Variants in GUCY2F observed in about 807,000 individuals in gnomAD.
GUCY2F encodes retinal guanylyl cyclase 2.
GUCY2F carries 61 observed loss-of-function variants against 73.1 expected under a neutral mutation model. The ratio of observed to expected loss-of-function variants is 0.83; its 90% CI spans 0.68 to 1.03. GUCY2F has a LOEUF of 1.03. Ranked by LOEUF, GUCY2F falls within the 50% of genes least tolerant of loss-of-function variation. GUCY2F has a pLI of 0.00. For missense variants in GUCY2F, 912 were observed against 854.3 expected, an observed-to-expected ratio of 1.07 and a Z score of -0.84; for synonymous variants, 331 against 307.8, an observed-to-expected ratio of 1.08 and a Z score of -0.79.
intron 9 of GUCY2F, among the ~76,000 whole-genome samples, chrX:109,406,086 A>G (rs1019827000): frequency 7.2e-5 from 8 of 111,842 alleles, no homozygotes; most frequent in African/African-American, 2.6e-4. Flanking sequence ...AAAGTCATTG[A>G]GTATGCAGAT....
intron 3 of GUCY2F, among the ~76,000 whole-genome samples, chrX:109,462,697 A>C (rs1264801229): frequency 1.8e-5 from 2 of 111,952 alleles, no homozygotes; most frequent in African/African-American, 6.5e-5. Context: ...AACAATATAC[A>C]TACACATACA....
chrX:109,392,100 T>A lies in GUCY2F; in HGVS notation c.2592A>T (p.Ser864=). Reference sequence around the variant, plus strand: ...AGCCCTTTTTGAGAGATTCAGCAACTGATCTGAAAAGCAGACACAGCTATT... The same window carrying A: ...AGCCCTTTTTGAGAGATTCAGCAACAGATCTGAAAAGCAGACACAGCTATT... ...EKLLTQMLPP[S]VAESLKKGCT... is the part of the protein sequence containing the mutation. The change falls in exon 14 of 20, where the codon TCA becomes TCT. Residue 864 remains serine (S), a synonymous_variant. Coordinates refer to ENST00000218006, the MANE Select transcript of GUCY2F (RefSeq NM_001522.3). 1 of 1,190,484 alleles carries A rather than the reference T, an allele frequency of 8.4e-7. No homozygotes were observed. The highest frequency in any genetic ancestry group is 2.2e-5 in the Admixed American group (1 of 44,622).
At chrX:109,378,634 C>T (rs1423206289) in intron 17 of GUCY2F, among the ~76,000 whole-genome samples, 1 of 111,433 alleles carries the variant, frequency 9.0e-6, no homozygotes, top group Non-Finnish European at 1.9e-5. Context: ...CATGCTCATA[C>T]ACACACTGCT....
intron 14 of GUCY2F, among the ~76,000 whole-genome samples, chrX:109,389,280 G>A (rs918497711): frequency 8.9e-6 from 1 of 111,778 alleles, no homozygotes; most frequent in Non-Finnish European, 1.9e-5. Context: ...GTTAGGGCTG[G>A]ACACTTGGAA....
chrX:109,442,229 T>C (rs770474384), intron 6 of GUCY2F, among the ~76,000 whole-genome samples: 1 of 111,851 alleles, frequency 8.9e-6, no homozygotes, highest in African/African-American at 3.2e-5. Flanking sequence ...AACCTCTGTA[T>C]CTTCAATTGA....
At chrX:109,464,734 A>T (rs1276460499) in intron 3 of GUCY2F, among the ~76,000 whole-genome samples, 1 of 112,611 alleles carries the variant, frequency 8.9e-6, no homozygotes, top group Non-Finnish European at 1.9e-5. Context: ...CGCATCCTCC[A>T]ATACCAGTGT....
intron 19 of GUCY2F, among the ~76,000 whole-genome samples, chrX:109,374,818 A>G (rs190243635): frequency 2.0e-3 from 222 of 112,334 alleles, no homozygotes; most frequent in African/African-American, 6.8e-3. Flanking sequence ...CAGAAGAGCC[A>G]CACACTCAAT....
intron 8 of GUCY2F, among the ~76,000 whole-genome samples, chrX:109,419,054 A>T (rs2147264709): frequency 9.0e-6 from 1 of 110,704 alleles, no homozygotes; most frequent in South Asian, 3.8e-4. Context: ...TAATAATCCT[A>T]AGAGCCCTAT....
rs1569369464 is a variant in GUCY2F, at chrX:109,443,900, A to G, written c.1570-2418T>C. On this transcript the variant is annotated intron_variant, in intron 6 of 19. Coordinates refer to ENST00000218006, the MANE Select transcript of GUCY2F (RefSeq NM_001522.3). ...CATCTACTTTTACTACTAAACATCC[A>G]TTTCTCGATAAAACATCCTGTCACA... is the stretch of plus-strand genomic sequence containing the variant. Among the ~76,000 whole-genome samples the G allele has an allele frequency of 2.7e-5, 3 of 112,206 alleles. No individual in the cohort carries two copies. The Admixed American group carries it at 2.8e-4, about 11-fold the overall frequency.
At chrX:109,376,811 G>A (rs1253386993) in intron 17 of GUCY2F, among the ~76,000 whole-genome samples, 3 of 111,552 alleles carry the variant, frequency 2.7e-5, no homozygotes, top group African/African-American at 9.8e-5. Context: ...GACCTCAGAG[G>A]AGTCAAATTT....
chrX:109,395,839 A>G (rs1930695625), intron 11 of GUCY2F, among the ~76,000 whole-genome samples: 1 of 111,230 alleles, frequency 9.0e-6, no homozygotes, highest in Admixed American at 9.5e-5. Flanking sequence ...AAGCCTTCCA[A>G]TCCCCACAAT....
chrX:109,411,254 T>TAA (rs1931102592), intron 8 of GUCY2F, among the ~76,000 whole-genome samples: 1 of 80,048 alleles, frequency 1.2e-5, no homozygotes. Flanking sequence ...TACTCCATTT[T>TAA]CAAAAAAAAA....
intron 14 of GUCY2F, among the ~76,000 whole-genome samples, chrX:109,389,943 C>A (rs1375840591): frequency 8.9e-6 from 1 of 111,772 alleles, no homozygotes; most frequent in Non-Finnish European, 1.9e-5. Flanking sequence ...AACATGTTTC[C>A]ATCCAAGGTC....
At chrX:109,390,167 G>A (rs1267941594) in intron 14 of GUCY2F, among the ~76,000 whole-genome samples, 1 of 111,612 alleles carries the variant, frequency 9.0e-6, no homozygotes, top group East Asian at 2.8e-4. Flanking sequence ...GAAGAGCAGG[G>A]AGTATGGGCA....
At chrX:109,475,067 T>C in intron 2 of GUCY2F, 140 bp downstream of exon 2, 1 of 557,334 alleles carries the variant, frequency 1.8e-6, no homozygotes, top group Non-Finnish European at 2.9e-6. Flanking sequence ...TTGGGACCTG[T>C]GTGTGAGTGA....
At chrX:109,426,458 G>A (rs188267692) in intron 8 of GUCY2F, among the ~76,000 whole-genome samples, 120 of 112,016 alleles carry the variant, frequency 1.1e-3, no homozygotes, top group African/African-American at 3.8e-3. Flanking sequence ...GCGTGATCTC[G>A]GCTCACTGCA....
chrX:109,458,773 T>A (rs1932309287), intron 3 of GUCY2F, among the ~76,000 whole-genome samples: 2 of 111,417 alleles, frequency 1.8e-5, no homozygotes, highest in Non-Finnish European at 3.8e-5. Flanking sequence ...TGAGGGGTTA[T>A]CAGGTGCCAG....
chrX:109,416,254 G>C (rs1462227658), intron 8 of GUCY2F, among the ~76,000 whole-genome samples: 3 of 111,049 alleles, frequency 2.7e-5, no homozygotes, highest in African/African-American at 9.8e-5. Flanking sequence ...CTTGCAATTA[G>C]CAGAAAAGGC....
intron 8 of GUCY2F, among the ~76,000 whole-genome samples, chrX:109,420,399 G>A (rs1357130606): frequency 1.9e-5 from 2 of 106,662 alleles, no homozygotes; most frequent in Non-Finnish European, 3.9e-5. Flanking sequence ...AAAGTAGGAG[G>A]GACAAAGGGG....
Sources: allele counts gnomAD v4.1 joint callset (sites outside exome capture counted in the v4.1 genomes callset), GRCh38; gene constraint gnomAD v4.1.1; transcripts MANE v1.5; gene names NCBI Gene and HGNC (gene_info 2026-07-23, HGNC 2026-07-21).